Variants in INSYN2B observed in about 807,000 individuals in gnomAD.
INSYN2B encodes inhibitory synaptic factor family member 2B, also known as protein INSYN2B.
Under a neutral mutation model 41.2 loss-of-function variants are expected in INSYN2B, and 16 were observed. The observed-to-expected ratio is 0.39, with a 90% CI of 0.26 to 0.59. The LOEUF is 0.59. Among genes scored for constraint, INSYN2B ranks in the 20% least tolerant of loss-of-function variants. INSYN2B has a pLI of 0.57. For synonymous variants in INSYN2B, 245 were observed against 244.4 expected, an observed-to-expected ratio of 1.00 and a Z score of -0.02; for missense variants, 608 against 646.4, an observed-to-expected ratio of 0.94 and a Z score of 0.64.
intron 1 of INSYN2B, among the ~76,000 whole-genome samples, chr5:169,935,326 T>C (rs1360313530): frequency 6.6e-6 from 1 of 152,204 alleles, no homozygotes. Context: ...CCCATGCCTG[T>C]GTAGGGAAAC....
intron 1 of INSYN2B, among the ~76,000 whole-genome samples, chr5:169,929,693 G>C (rs945305806): frequency 4.8e-5 from 7 of 146,108 alleles, no homozygotes; most frequent in Non-Finnish European, 1.0e-4. Flanking sequence ...AGTGAGCCAA[G>C]AGGGGATCAC....
rs958557527 is a variant in INSYN2B at position 169,864,372 on chromosome 5, C to T, written c.1509G>A (p.Ser503=). Residue 503 remains serine (S), a synonymous_variant, in exon 4 of 4, where the codon TCG becomes TCA. Transcript: ENST00000377365. ...LEEAEPVEEA[S]PPPKSPAEPP... ...GTTCTGCTGGGGACTTTGGTGGGGG[C>T]GATGCCTCCTCAACTGGCTCTGCTT... is the stretch of plus-strand genomic sequence containing the variant. 3.7e-5 allele frequency: 57 copies of T among 1,551,206 alleles called. No individual in the cohort carries two copies. Among genetic ancestry groups the T allele is most frequent in the Middle Eastern group, 1.7e-4 (1 of 6,014 alleles).
chr5:169,953,332 C>CAAA (rs576183648), intron 1 of INSYN2B, among the ~76,000 whole-genome samples: 3 of 123,500 alleles, frequency 2.4e-5, no homozygotes, highest in Non-Finnish European at 3.4e-5. Context: ...GACTCTATCT[C>CAAA]AAAAAAAAAA....
At chr5:169,929,313 C>T (rs1002255943) in intron 1 of INSYN2B, among the ~76,000 whole-genome samples, 78 of 152,208 alleles carry the variant, frequency 5.1e-4, no homozygotes, top group African/African-American at 1.8e-3. Context: ...CCAACAAGTT[C>T]ATCTCACATG....
intron 1 of INSYN2B, among the ~76,000 whole-genome samples, chr5:169,898,990 T>C (rs778918989): frequency 3.9e-5 from 6 of 152,162 alleles, no homozygotes; most frequent in Non-Finnish European, 8.8e-5. Context: ...GTCTGTGAAG[T>C]AGAACAGGTC....
intron 1 of INSYN2B, among the ~76,000 whole-genome samples, chr5:169,948,964 C>T (rs1161892795): frequency 1.3e-5 from 2 of 152,112 alleles, no homozygotes; most frequent in African/African-American, 2.4e-5. Flanking sequence ...CAAGAATATC[C>T]TATACTTTTT....
chr5:169,911,166 G>A (rs920163707), intron 1 of INSYN2B, among the ~76,000 whole-genome samples: 1 of 152,082 alleles, frequency 6.6e-6, no homozygotes, highest in African/African-American at 2.4e-5. Context: ...CTGACAAAAT[G>A]GCCCCTAGTC....
Position 169,863,330 on chromosome 5 carries a change from G to A in INSYN2B, c.*943C>T, listed in dbSNP as rs939208134. Reference sequence around the variant, plus strand: ...CTACACGGCTGTTTCTGGGATGAAGGGATGAGAAACAGTGTTGTGTTTTAT... The same window carrying A: ...CTACACGGCTGTTTCTGGGATGAAGAGATGAGAAACAGTGTTGTGTTTTAT... On this transcript the variant is annotated 3_prime_UTR_variant, in exon 4 of 4. Transcript: ENST00000377365. Among the ~76,000 whole-genome samples the A allele has an allele frequency of 1.3e-5, 2 of 152,220 alleles. No homozygotes were observed. Among genetic ancestry groups the A allele is most frequent in the Non-Finnish European group, 2.9e-5 (2 of 68,050 alleles).
At chr5:169,892,699 T>C (rs1434067282) in intron 1 of INSYN2B, among the ~76,000 whole-genome samples, 5 of 152,202 alleles carry the variant, frequency 3.3e-5, no homozygotes, top group Non-Finnish European at 7.3e-5. Flanking sequence ...TTTTTATCCT[T>C]TCTTCTACCT....
chr5:169,943,067 A>C (rs545541998), intron 1 of INSYN2B, among the ~76,000 whole-genome samples: 36 of 152,220 alleles, frequency 2.4e-4, no homozygotes, highest in Admixed American at 5.2e-4. Context: ...AGGAACCTGC[A>C]GGTCTTTGGA....
intron 1 of INSYN2B, among the ~76,000 whole-genome samples, chr5:169,976,482 C>T (rs1777721180): frequency 6.6e-6 from 1 of 152,088 alleles, no homozygotes; most frequent in Non-Finnish European, 1.5e-5. Context: ...GAATGTAGGG[C>T]CCTGGGCAAA....
intron 1 of INSYN2B, among the ~76,000 whole-genome samples, chr5:169,887,027 T>C (rs1467872949): frequency 6.6e-6 from 1 of 152,194 alleles, no homozygotes; most frequent in Non-Finnish European, 1.5e-5. Context: ...AAGATGAATA[T>C]ATTTATACCA....
chr5:169,893,351 A>G (rs1773406774), intron 1 of INSYN2B, among the ~76,000 whole-genome samples: 1 of 152,196 alleles, frequency 6.6e-6, no homozygotes. Flanking sequence ...CCAGCTTCTC[A>G]TAGAAGAAAG....
At chr5:169,909,209 A>G (rs758988678) in intron 1 of INSYN2B, among the ~76,000 whole-genome samples, 2 of 152,238 alleles carry the variant, frequency 1.3e-5, no homozygotes, top group African/African-American at 4.8e-5. Flanking sequence ...CTTGTACCAC[A>G]TGAAGCTATC....
At chr5:169,948,494 T>A (rs766551436) in intron 1 of INSYN2B, among the ~76,000 whole-genome samples, 20 of 152,156 alleles carry the variant, frequency 1.3e-4, no homozygotes, top group Non-Finnish European at 2.8e-4. Context: ...TCTGTATATC[T>A]GACTATCATC....
At chr5:169,909,680 A>C (rs1285673646) in intron 1 of INSYN2B, among the ~76,000 whole-genome samples, 1 of 152,232 alleles carries the variant, frequency 6.6e-6, no homozygotes, top group African/African-American at 2.4e-5. Context: ...CCTATAATAC[A>C]TCTACTTTAC....
chr5:169,922,910 C>T (rs1775248616), intron 1 of INSYN2B, among the ~76,000 whole-genome samples: 1 of 152,156 alleles, frequency 6.6e-6, no homozygotes, highest in Non-Finnish European at 1.5e-5. Flanking sequence ...TTAACAAACA[C>T]CTGTACAGTA....
chr5:169,907,154 C>A (rs1774327633), intron 1 of INSYN2B, among the ~76,000 whole-genome samples: 1 of 152,186 alleles, frequency 6.6e-6, no homozygotes, highest in Non-Finnish European at 1.5e-5. Flanking sequence ...GGACCCATAT[C>A]TGATGGCTGC....
At chr5:169,879,400 T>C (rs774182877) in intron 3 of INSYN2B, among the ~76,000 whole-genome samples, 25 of 152,226 alleles carry the variant, frequency 1.6e-4, no homozygotes, top group Non-Finnish European at 3.4e-4. Flanking sequence ...CTTCCCACTG[T>C]TACTACGATG....
Sources: allele counts gnomAD v4.1 joint callset (sites outside exome capture counted in the v4.1 genomes callset), GRCh38; gene constraint gnomAD v4.1.1; transcripts MANE v1.5; gene names NCBI Gene and HGNC (gene_info 2026-07-23, HGNC 2026-07-21).